The following FMN1 variants were observed in gnomAD, a reference collection of about 807,000 sequenced individuals.
FMN1 encodes the protein formin 1.
A neutral mutation model predicts 132.4 loss-of-function variants in FMN1; 110 were observed. The observed-to-expected ratio is 0.83, with a 90% confidence interval of 0.71 to 0.97. The LOEUF (loss-of-function observed/expected upper bound fraction) is 0.97, where lower values mean the gene tolerates loss of function less well. Ranked by LOEUF, FMN1 falls within the 50% of genes least tolerant of loss-of-function variation. The pLI, the probability that FMN1 is intolerant of heterozygous loss-of-function variation, is 0.00. For missense variants in FMN1, 1,792 were observed against 1,705.3 expected (o/e 1.05, Z -0.90); for synonymous variants, 722 against 651.7 (o/e 1.11, Z -1.64).
chr15:33,111,096 A>G (rs2039684009), intron 4 of FMN1, among the ~76,000 whole-genome samples: 2 of 137,054 alleles, frequency 1.5e-5, no homozygotes, highest in East Asian at 2.8e-4. Flanking sequence ...GCATATTTCC[A>G]TTTCCCTCAC....
chr15:32,784,580 C>G (rs1357887194), intron 19 of FMN1, among the ~76,000 whole-genome samples: 1 of 152,170 alleles, frequency 6.6e-6, no homozygotes, highest in African/African-American at 2.4e-5. Flanking sequence ...GCCATAACCA[C>G]AAGATTTCAG....
At position 32,842,439 on chromosome 15, in the gene FMN1, T is replaced by G. The variant is rs191197468; in HGVS notation, c.3928+14576A>C. Among the ~76,000 whole-genome samples the G allele has an allele frequency of 2.6e-4, 40 of 152,354 alleles. No individual in the cohort carries two copies. In the East Asian group the frequency reaches 4.0e-3, roughly 15 times the overall value. On this transcript the variant is annotated intron_variant, in intron 17 of 20. Coordinates refer to ENST00000616417, the MANE Select transcript of FMN1 (RefSeq NM_001277313.2). ...AATCAACTCATTAAACTGTGAGAGA[T>G]AGGCATACATTGTTGTAGCCTACTA... is the stretch of plus-strand genomic sequence containing the variant.
At chr15:33,127,955 AAGGAAAGAAAG>A (rs1482120565) in intron 4 of FMN1, among the ~76,000 whole-genome samples, 1 of 152,152 alleles carries the variant, frequency 6.6e-6, no homozygotes. Context: ...GGACAGGAGA[AAGGAAAGAAAG>A]GGGAAAGGAA....
In FMN1 at chr15:32,911,283, G is replaced by T. The variant is rs1446124785; in HGVS notation, c.3227-748C>A. Among the ~76,000 whole-genome samples the T allele has an allele frequency of 4.6e-5, 7 of 152,168 alleles. No individual in the cohort carries two copies. In the East Asian group the frequency reaches 9.6e-4, roughly 21 times the overall value. ...AATGGATTTGGCTATCGAAGTGTTT[G>T]AAATAAGCAGGTCCACATCTTTAAA... On this transcript the variant is annotated intron_variant, in intron 10 of 20. Transcript: ENST00000616417.
chr15:33,070,891 G>C (rs567228130), intron 5 of FMN1, among the ~76,000 whole-genome samples: 9 of 152,214 alleles, frequency 5.9e-5, no homozygotes, highest in African/African-American at 2.2e-4. Context: ...TCCTGCTAGA[G>C]AACCGAGGCA....
At chr15:32,865,101 G>C (rs993571565) in intron 16 of FMN1, among the ~76,000 whole-genome samples, 6 of 152,168 alleles carry the variant, frequency 3.9e-5, no homozygotes, top group Non-Finnish European at 8.8e-5. Flanking sequence ...GACTAGGAGA[G>C]AAAGAGGGAG....
rs570964839 is a variant in FMN1, at chr15:32,969,314, G to C, written c.2387C>G (p.Pro796Arg). 6.2e-7 allele frequency: 1 copy of C among 1,613,838 alleles called. No individual in the cohort carries two copies. The highest frequency in any genetic ancestry group is 2.2e-5 in the East Asian group (1 of 44,898). ...DVCISTDDDC[P>R]PKTFRNVCVQ... Reference sequence around the variant, plus strand: ...GCACACATTTCTGAAGGTCTTTGGAGGGCAGTCATCATCGGTGGAAATGCA... The same window carrying C: ...GCACACATTTCTGAAGGTCTTTGGACGGCAGTCATCATCGGTGGAAATGCA... Residue 796 changes from proline to arginine, a missense_variant, in exon 8 of 21, where the codon CCT becomes CGT. Pro to Arg is a moderately radical substitution (Grantham distance 103). Around this residue, in one of 3 missense-constraint regions of FMN1, gnomAD observed 1,150 missense variants for 1,043.1 expected, o/e 1.10. Coordinates refer to ENST00000616417, the MANE Select transcript of FMN1 (RefSeq NM_001277313.2).
intron 16 of FMN1, among the ~76,000 whole-genome samples, chr15:32,876,948 T>TC (rs1391481805): frequency 6.6e-6 from 1 of 152,108 alleles, no homozygotes; most frequent in African/African-American, 2.4e-5. Flanking sequence ...GCCAATTTTT[T>TC]TCCATTAACC....
chr15:32,947,278 T>G (rs1481471201), intron 9 of FMN1, among the ~76,000 whole-genome samples: 1 of 152,134 alleles, frequency 6.6e-6, no homozygotes, highest in Non-Finnish European at 1.5e-5. Flanking sequence ...TAGTCAATTT[T>G]GCCCACTGAT....
chr15:33,164,027 A>T (rs1965000651), intron 3 of FMN1, among the ~76,000 whole-genome samples: 1 of 152,202 alleles, frequency 6.6e-6, no homozygotes, highest in African/African-American at 2.4e-5. Context: ...GGTATGAAAC[A>T]TGGGAAAAAA....
Position 32,811,055 on chromosome 15 carries a change from G to A in FMN1, c.3929-6723C>T, listed in dbSNP as rs765801747. ...AATCCCCGTTGTGCACTTTCCAGGA[G>A]AAACAAATGCTTTACACCAACAGAG... On this transcript the variant is annotated intron_variant, in intron 17 of 20. Transcript: ENST00000616417. 8 of 456,720 alleles carry A rather than the reference G, an allele frequency of 1.8e-5. No individual in the cohort carries two copies. In the East Asian group the frequency reaches 5.6e-4, roughly 32 times the overall value. The allele number at this position is 456,720 out of a possible 1,614,324, so 28.3% of individuals were successfully genotyped here. A position where few individuals can be genotyped will look rare whatever the true frequency, so the allele number is the denominator to read the frequency against.
intron 9 of FMN1, among the ~76,000 whole-genome samples, chr15:32,940,238 G>C (rs1292295391): frequency 6.6e-6 from 1 of 152,168 alleles, no homozygotes; most frequent in African/African-American, 2.4e-5. Flanking sequence ...TAGTAAACCA[G>C]TTATTCAGAG....
chr15:33,165,391 T>C (rs868428800), intron 3 of FMN1, among the ~76,000 whole-genome samples: 8 of 152,026 alleles, frequency 5.3e-5, no homozygotes, highest in African/African-American at 1.9e-4. Flanking sequence ...TTTAAGTAGG[T>C]TTTTCTTTCT....
At chr15:32,967,718 G>C (rs988840461) in intron 8 of FMN1, among the ~76,000 whole-genome samples, 1 of 152,188 alleles carries the variant, frequency 6.6e-6, no homozygotes, top group Non-Finnish European at 1.5e-5. Flanking sequence ...CATATGCTTA[G>C]TTTTAGGGTA....
intron 6 of FMN1, among the ~76,000 whole-genome samples, chr15:33,061,872 CAT>C (rs982557533): frequency 1.3e-5 from 2 of 151,936 alleles, no homozygotes; most frequent in African/African-American, 4.8e-5. Flanking sequence ...TTAAATTTTT[CAT>C]ATGAAATGGA....
At chr15:33,008,118 T>G in intron 6 of FMN1, 43 bp from the exon 7 acceptor site, 1 of 1,496,426 alleles carries the variant, frequency 6.7e-7, no homozygotes, top group East Asian at 2.4e-5. Flanking sequence ...AAGTACAAAA[T>G]TAAGCACAAA....
intron 10 of FMN1, among the ~76,000 whole-genome samples, chr15:32,912,602 G>A (rs1042458802): frequency 3.3e-5 from 5 of 152,170 alleles, no homozygotes; most frequent in African/African-American, 1.2e-4. Context: ...GAAGGCTCAA[G>A]GAAGGCTTCT....
chr15:33,019,572 G>A (rs887774967), intron 6 of FMN1, among the ~76,000 whole-genome samples: 1 of 152,186 alleles, frequency 6.6e-6, no homozygotes, highest in African/African-American at 2.4e-5. Context: ...GCAGAAGCCC[G>A]GGGCGGTGCG....
chr15:33,054,694 G>A (rs1034092069), intron 6 of FMN1, among the ~76,000 whole-genome samples: 8 of 152,188 alleles, frequency 5.3e-5, no homozygotes, highest in African/African-American at 1.9e-4. Context: ...TTGAAGAAAT[G>A]AGGGATCCCA....
Sources: allele counts gnomAD v4.1 joint callset (sites outside exome capture counted in the v4.1 genomes callset), GRCh38; gene constraint gnomAD v4.1.1; regional missense constraint gnomAD v4.1.1; transcripts MANE v1.5; gene names NCBI Gene and HGNC (gene_info 2026-07-23, HGNC 2026-07-21).